Variants in SMAD2 observed in about 807,000 individuals in gnomAD.
The protein encoded by SMAD2 is MAD homolog 2.
Under a neutral mutation model 64.4 loss-of-function variants are expected in SMAD2, and 8 were observed. The ratio of observed to expected loss-of-function variants is 0.12; its 90% confidence interval spans 0.07 to 0.22. SMAD2 has a LOEUF of 0.22. Ranked by LOEUF, SMAD2 falls within the 10% of genes least tolerant of loss-of-function variation. SMAD2 has a pLI of 1.00. For synonymous variants in SMAD2, 203 were observed against 195.8 expected, an observed-to-expected ratio of 1.04 and a Z score of -0.31; for missense variants, 289 against 561.2, an observed-to-expected ratio of 0.51 and a Z score of 4.90.
intron 2 of SMAD2, among the ~76,000 whole-genome samples, chr18:47,892,269 G>A (rs945713763): frequency 6.6e-6 from 1 of 151,392 alleles, no homozygotes; most frequent in Non-Finnish European, 1.5e-5. Context: ...GCTCAATCTG[G>A]GCTCACCGCA....
At chr18:47,870,613 G>T in intron 2 of SMAD2, 49 bp from the exon 3 acceptor site, 1 of 1,157,730 alleles carries the variant, frequency 8.6e-7, no homozygotes, top group South Asian at 1.2e-5. Context: ...TGGAAGCATG[G>T]TTATTCAAAA....
Position 47,834,466 on chromosome 18 carries a change from T to C in SMAD2, c.*7361A>G. On this transcript the variant is annotated 3_prime_UTR_variant, in exon 11 of 11. Coordinates refer to ENST00000262160, the MANE Select transcript of SMAD2 (RefSeq NM_005901.6). ...CAGGGAAACCCTCAATCCCAGGCACTTTAGGGCAGCTGGTCACCCTGAGAA... is the reference window on the plus strand; with the variant it reads ...CAGGGAAACCCTCAATCCCAGGCACCTTAGGGCAGCTGGTCACCCTGAGAA... 4.9e-6 allele frequency: 1 copy of C among 204,268 alleles called. No individual in the cohort carries two copies. Among genetic ancestry groups the C allele is most frequent in the Non-Finnish European group, 1.0e-5 (1 of 99,614 alleles). 12.7% of individuals were successfully genotyped at this position (204,268 alleles called of 1,614,324 possible).
Position 47,825,096 on chromosome 18 carries a change from G to C in SMAD2, c.*16731C>G, listed in dbSNP as rs940170547. On this transcript the variant is annotated 3_prime_UTR_variant, in exon 11 of 11. Coordinates refer to ENST00000262160, the MANE Select transcript of SMAD2 (RefSeq NM_005901.6). ...GTAAAAGACCACAAAATATTTTTGT[G>C]TATTTACAGGAACGTGATAATCAAA... 1 of 152,152 alleles carries C rather than the reference G, an allele frequency of 6.6e-6. No homozygotes were observed. The highest frequency in any genetic ancestry group is 1.5e-5 in the Non-Finnish European group (1 of 68,006). 9.4% of individuals were successfully genotyped at this position (152,152 alleles called of 1,614,324 possible). A position where few individuals can be genotyped will look rare whatever the true frequency, so the allele number is the denominator to read the frequency against.
At chr18:47,847,768 A>G (rs1175025115) in intron 8 of SMAD2, among the ~76,000 whole-genome samples, 1 of 150,772 alleles carries the variant, frequency 6.6e-6, no homozygotes, top group African/African-American at 2.4e-5. Context: ...ACAGAATTGG[A>G]GTCTCATTAT....
In SMAD2 at chr18:47,914,523, T is replaced by C. The variant is rs117544339; in HGVS notation, c.-54+15838A>G. ...TATTCTTATGGATGCTTTAGTTTAC[T>C]TTTCATATTAAGTTTCTAAAAGAAA... On this transcript the variant is annotated intron_variant, in intron 1 of 10. Coordinates refer to ENST00000262160, the MANE Select transcript of SMAD2 (RefSeq NM_005901.6). Among the ~76,000 whole-genome samples, 6 of 152,316 alleles carry C rather than the reference T, an allele frequency of 3.9e-5. No homozygotes were observed. In the East Asian group the frequency reaches 1.2e-3, roughly 29 times the overall value.
chr18:47,879,481 G>T (rs2032457665), intron 2 of SMAD2, among the ~76,000 whole-genome samples: 1 of 129,588 alleles, frequency 7.7e-6, no homozygotes, highest in Admixed American at 8.5e-5. Flanking sequence ...ATTCATCCAT[G>T]TTAATGTATA....
chr18:47,849,484 TATGTA>T (rs1914873102), intron 7 of SMAD2, among the ~76,000 whole-genome samples: 1 of 6,764 alleles, frequency 1.5e-4, no homozygotes, highest in Middle Eastern at 0.031. Flanking sequence ...TACAGAAATG[TATGTA>T]TATATATATA....
rs1359970623 is a variant in SMAD2, at chr18:47,896,389, T to C, written c.236+132A>G. ...AACAAGTCAGCTAGCAAAAACAATT[T>C]ATACAAGGTTAAAAACAGTCATATT... On this transcript the variant is annotated intron_variant, in intron 2 of 10. Coordinates refer to ENST00000262160, the MANE Select transcript of SMAD2 (RefSeq NM_005901.6). The C allele has an allele frequency of 8.8e-6, 8 of 913,802 alleles. No homozygotes were observed. In the East Asian group the frequency reaches 1.0e-4, roughly 12 times the overall value. The allele number at this position is 913,802 out of a possible 1,614,324, so 56.6% of individuals were successfully genotyped here.
At position 47,825,145 on chromosome 18, in the gene SMAD2, T is replaced by C. The variant is rs1330430051; in HGVS notation, c.*16682A>G. ...AAAGTTGTTGTGGGACCATTCAAGA[T>C]GAGCGTGGGGAAGGGAAGCCCATTT... On this transcript the variant is annotated 3_prime_UTR_variant, in exon 11 of 11. Coordinates refer to ENST00000262160, the MANE Select transcript of SMAD2 (RefSeq NM_005901.6). 6.6e-6 allele frequency: 1 copy of C among 152,208 alleles called. No individual in the cohort carries two copies. 9.4% of individuals were successfully genotyped at this position (152,208 alleles called of 1,614,324 possible). A position where few individuals can be genotyped will look rare whatever the true frequency, so the allele number is the denominator to read the frequency against.
rs1912607515 is a variant in SMAD2, at chr18:47,822,494, GTGTC to G, written c.*19329_*19332del. ...TACATGAGACTAAGTAACTGAAGATGTGTCTGTGACTTTTATTTGAAGCATTATT... is the reference window on the plus strand; with the variant it reads ...TACATGAGACTAAGTAACTGAAGATGTGTGACTTTTATTTGAAGCATTATT... On this transcript the variant is annotated 3_prime_UTR_variant, in exon 11 of 11. Transcript: ENST00000262160. The G allele has an allele frequency of 6.6e-6, 1 of 152,180 alleles. No homozygotes were observed. Among genetic ancestry groups the G allele is most frequent in the Non-Finnish European group, 1.5e-5 (1 of 68,036 alleles). The allele number at this position is 152,180 out of a possible 1,614,324, so 9.4% of individuals were successfully genotyped here.
chr18:47,905,981 G>T (rs995293433), intron 1 of SMAD2, among the ~76,000 whole-genome samples: 9 of 151,986 alleles, frequency 5.9e-5, no homozygotes, highest in African/African-American at 2.2e-4. Context: ...AAATAGCTGG[G>T]CGTGGTGCCT....
intron 1 of SMAD2, among the ~76,000 whole-genome samples, chr18:47,911,968 G>A (rs768215053): frequency 9.9e-5 from 15 of 152,180 alleles, no homozygotes; most frequent in Non-Finnish European, 2.2e-4. Context: ...CTCTAGAGGA[G>A]CCAACTACAG....
At chr18:47,875,013 A>G (rs987458893) in intron 2 of SMAD2, among the ~76,000 whole-genome samples, 1 of 152,180 alleles carries the variant, frequency 6.6e-6, no homozygotes, top group East Asian at 1.9e-4. Context: ...CCTATACTGC[A>G]TCATTTAAAG....
At chr18:47,891,480 T>G (rs1164280393) in intron 2 of SMAD2, among the ~76,000 whole-genome samples, 2 of 151,922 alleles carry the variant, frequency 1.3e-5, no homozygotes, top group Non-Finnish European at 1.5e-5. Flanking sequence ...TGGTTGATTT[T>G]TCAGTTATGT....
Position 47,831,723 on chromosome 18 carries a change from A to G in SMAD2, c.*10104T>C, listed in dbSNP as rs1010610474. ...GATTCAATGTTCTTGCCTTCTATTA[A>G]TGTGATTTTAAGAATTACTGCATGT... On this transcript the variant is annotated 3_prime_UTR_variant, in exon 11 of 11. Transcript: ENST00000262160. 13 of 152,330 alleles carry G rather than the reference A, an allele frequency of 8.5e-5. No homozygotes were observed. Among genetic ancestry groups the G allele is most frequent in the African/African-American group, 3.1e-4 (13 of 41,578 alleles). 9.4% of individuals were successfully genotyped at this position (152,330 alleles called of 1,614,324 possible). A position where few individuals can be genotyped will look rare whatever the true frequency, so the allele number is the denominator to read the frequency against.
At chr18:47,864,341 A>G (rs2031403379) in intron 6 of SMAD2, among the ~76,000 whole-genome samples, 1 of 152,114 alleles carries the variant, frequency 6.6e-6, no homozygotes, top group Non-Finnish European at 1.5e-5. Flanking sequence ...ACTTAAAAAT[A>G]ATTTAGATTA....
Position 47,841,475 on chromosome 18 carries a change from TA to T in SMAD2, c.*351del. On this transcript the variant is annotated 3_prime_UTR_variant, in exon 11 of 11. Coordinates refer to ENST00000262160, the MANE Select transcript of SMAD2 (RefSeq NM_005901.6). ...CTCATCTATGCAAACTAAAAATGTA[TA>T]TAAACAGCACAATACTGTGATACTG... The T allele has an allele frequency of 2.5e-6, 1 of 393,072 alleles. No homozygotes were observed. The allele number at this position is 393,072 out of a possible 1,614,324, so 24.3% of individuals were successfully genotyped here.
At chr18:47,852,639 CT>C (rs1413645870) in intron 6 of SMAD2, among the ~76,000 whole-genome samples, 1 of 152,080 alleles carries the variant, frequency 6.6e-6, no homozygotes, top group Non-Finnish European at 1.5e-5. Flanking sequence ...TAGTTAGTAA[CT>C]TTCTAGGGTT....
rs546894532 is a variant in SMAD2 at position 47,837,581 on chromosome 18, A to T, written c.*4246T>A. On this transcript the variant is annotated 3_prime_UTR_variant, in exon 11 of 11. Coordinates refer to ENST00000262160, the MANE Select transcript of SMAD2 (RefSeq NM_005901.6). ...CCTCTCAAAAAAAAAAAAAAAAAACAAAAAACAAGGCTAACAAGAAAGAGG... is the reference window on the plus strand; with the variant it reads ...CCTCTCAAAAAAAAAAAAAAAAAACTAAAAACAAGGCTAACAAGAAAGAGG... 44 of 225,504 alleles carry T rather than the reference A, an allele frequency of 2.0e-4. No homozygotes were observed. Among genetic ancestry groups the T allele is most frequent in the African/African-American group, 9.6e-4 (42 of 43,810 alleles). The allele number at this position is 225,504 out of a possible 1,614,324, so 14.0% of individuals were successfully genotyped here.
Sources: allele counts gnomAD v4.1 joint callset (sites outside exome capture counted in the v4.1 genomes callset), GRCh38; gene constraint gnomAD v4.1.1; transcripts MANE v1.5; gene names NCBI Gene and HGNC (gene_info 2026-07-23, HGNC 2026-07-21).